ME3: variants seen among roughly 807,000 people sequenced by gnomAD.
The protein encoded by ME3 is NADP-dependent malic enzyme, mitochondrial.
ME3 carries 48 observed loss-of-function variants against 68.9 expected under a neutral mutation model. That is an observed-to-expected ratio of 0.70 (90% confidence interval 0.55 to 0.89). ME3 has a LOEUF of 0.89. Ranked by LOEUF, ME3 falls within the 40% of genes least tolerant of loss-of-function variation. The probability of loss-of-function intolerance (pLI) is 0.00; values close to 1 mark genes in which losing one functional copy is unlikely to be tolerated. For synonymous variants in ME3, 320 were observed against 318.8 expected (o/e 1.00, Z -0.04); for missense variants, 675 against 797.4 (o/e 0.85, Z 1.85).
At chr11:86,577,607 C>T (rs1199194496) in intron 2 of ME3, among the ~76,000 whole-genome samples, 1 of 152,138 alleles carries the variant, frequency 6.6e-6, no homozygotes, top group Non-Finnish European at 1.5e-5. Flanking sequence ...GAAGAATTTC[C>T]CATTCCAGGG....
At chr11:86,527,360 C>T (rs1954839394) in intron 4 of ME3, among the ~76,000 whole-genome samples, 1 of 152,154 alleles carries the variant, frequency 6.6e-6, no homozygotes, top group South Asian at 2.1e-4. Context: ...AAATATGGGA[C>T]TATGTGAAAA....
intron 2 of ME3, among the ~76,000 whole-genome samples, chr11:86,584,782 G>T (rs1958635957): frequency 6.6e-6 from 1 of 152,110 alleles, no homozygotes. Context: ...TGGTTTCCAG[G>T]GATTAGAGGT....
At chr11:86,466,139 A>T (rs187378255) in intron 7 of ME3, among the ~76,000 whole-genome samples, 1 of 152,246 alleles carries the variant, frequency 6.6e-6, no homozygotes, top group African/African-American at 2.4e-5. Flanking sequence ...GGAAGCTGAG[A>T]GTGAAGTTTT....
chr11:86,601,626 CA>C (rs1295158405), intron 2 of ME3, among the ~76,000 whole-genome samples: 1 of 151,884 alleles, frequency 6.6e-6, no homozygotes, highest in Admixed American at 6.6e-5. Flanking sequence ...ATCCTGATAC[CA>C]AAGCCGGGCA....
chr11:86,465,217 G>T lies in ME3; in HGVS notation c.810-17C>A. 1 of 1,561,304 alleles carries T rather than the reference G, an allele frequency of 6.4e-7. No homozygotes were observed. The highest frequency in any genetic ancestry group is 8.8e-7 in the Non-Finnish European group (1 of 1,137,842). ...ATTCCAAACCTGTGTGGAGGGAGAGGAAGAAACCCATGATTGCCTCTCTGA... is the reference window on the plus strand; with the variant it reads ...ATTCCAAACCTGTGTGGAGGGAGAGTAAGAAACCCATGATTGCCTCTCTGA... On this transcript the variant is annotated splice_polypyrimidine_tract_variant and intron_variant, in intron 7 of 14. Coordinates refer to ENST00000543262, the Ensembl canonical transcript of ME3.
chr11:86,616,265 A>G (rs979263125), intron 2 of ME3, among the ~76,000 whole-genome samples: 45 of 152,222 alleles, frequency 3.0e-4, no homozygotes, highest in African/African-American at 1.1e-3. Flanking sequence ...AATTGTAAAG[A>G]GATTTTATGA....
At chr11:86,664,101 A>C (rs1166569995) in intron 2 of ME3, among the ~76,000 whole-genome samples, 1 of 152,226 alleles carries the variant, frequency 6.6e-6, no homozygotes, top group Non-Finnish European at 1.5e-5. Flanking sequence ...TATGTTACAG[A>C]TGGGCCAGCT....
chr11:86,463,000 A>G (rs1221524265), intron 8 of ME3, among the ~76,000 whole-genome samples: 1 of 152,206 alleles, frequency 6.6e-6, no homozygotes, highest in Non-Finnish European at 1.5e-5. Flanking sequence ...GGAAGGGCAG[A>G]GAGCAGAAGA....
intron 2 of ME3, among the ~76,000 whole-genome samples, chr11:86,567,234 A>G (rs202187291): frequency 1.6e-4 from 10 of 63,532 alleles, no homozygotes; most frequent in Admixed American, 2.9e-4. Context: ...AGAAAGAAAG[A>G]AAAGAAAGAA....
chr11:86,618,743 A>G (rs1594688130), intron 2 of ME3, among the ~76,000 whole-genome samples: 1 of 143,864 alleles, frequency 7.0e-6, no homozygotes. Flanking sequence ...TTTGAGACGG[A>G]GTCTCACTCT....
At chr11:86,447,318 GC>G in intron 11 of ME3, 111 bp from the exon 12 acceptor site, 2 of 1,410,106 alleles carry the variant, frequency 1.4e-6, no homozygotes, top group Non-Finnish European at 9.6e-7. Flanking sequence ...TCGGTCTTGG[GC>G]CCAGCATCTG....
At chr11:86,598,173 T>A (rs1959872154) in intron 2 of ME3, among the ~76,000 whole-genome samples, 2 of 152,048 alleles carry the variant, frequency 1.3e-5, no homozygotes, top group South Asian at 4.2e-4. Flanking sequence ...GTGCAAGGGG[T>A]CAGGGAGTTC....
At chr11:86,464,981 C>T in intron 8 of ME3, 110 bp downstream of exon 8, 1 of 823,378 alleles carries the variant, frequency 1.2e-6, no homozygotes, top group Non-Finnish European at 2.1e-6. Context: ...CAGCTGCTGG[C>T]AGCAAACCAA....
chr11:86,504,601 C>T (rs1952942685), intron 5 of ME3, among the ~76,000 whole-genome samples: 1 of 151,970 alleles, frequency 6.6e-6, no homozygotes, highest in South Asian at 2.1e-4. Flanking sequence ...ACCATGTTGG[C>T]CAGGCTGGTC....
chr11:86,514,688 T>G (rs1375313953), intron 4 of ME3, among the ~76,000 whole-genome samples: 1 of 152,258 alleles, frequency 6.6e-6, no homozygotes, highest in Non-Finnish European at 1.5e-5. Flanking sequence ...TTCTTCAAGC[T>G]TCAGTTCCTC....
At chr11:86,487,711 C>T (rs1044890764) in intron 6 of ME3, among the ~76,000 whole-genome samples, 3 of 152,186 alleles carry the variant, frequency 2.0e-5, no homozygotes, top group Admixed American at 6.5e-5. Context: ...GTCTTTCAAC[C>T]TCTGTCTGCA....
intron 3 of ME3, 95 bp from the exon 4 acceptor site, chr11:86,556,797 G>C: frequency 1.4e-6 from 2 of 1,379,470 alleles, no homozygotes; most frequent in Non-Finnish European, 2.0e-6. Context: ...TCCTGTTCCT[G>C]CTCAGCCCGG....
At chr11:86,634,126 G>GA (rs146343352) in intron 2 of ME3, among the ~76,000 whole-genome samples, 10,717 of 152,066 alleles carry the variant, frequency 0.07, 459 homozygotes, top group East Asian at 0.14. Flanking sequence ...GAAGGAGGAA[G>GA]AAAAAAAGGA....
intron 2 of ME3, among the ~76,000 whole-genome samples, chr11:86,601,536 T>G (rs1234124855): frequency 6.6e-6 from 1 of 152,156 alleles, no homozygotes; most frequent in African/African-American, 2.4e-5. Context: ...AAGGAGGAAC[T>G]GGTACCATTC....
Sources: allele counts gnomAD v4.1 joint callset (sites outside exome capture counted in the v4.1 genomes callset), GRCh38; gene constraint gnomAD v4.1.1; transcripts MANE v1.5; gene names NCBI Gene and HGNC (gene_info 2026-07-23, HGNC 2026-07-21).